Variants in SORCS3 observed in about 807,000 individuals in gnomAD.
SORCS3 encodes the protein sortilin related VPS10 domain containing receptor 3.
SORCS3 carries 57 observed loss-of-function variants against 146.3 expected under a neutral mutation model. The ratio of observed to expected loss-of-function variants is 0.39; its 90% confidence interval spans 0.31 to 0.49. The LOEUF (loss-of-function observed/expected upper bound fraction) is 0.49, where lower values mean the gene tolerates loss of function less well. SORCS3 is among the 20% of genes least tolerant of loss of function. The pLI, the probability that SORCS3 is intolerant of heterozygous loss-of-function variation, is 0.92. For missense variants in SORCS3, 1,341 were observed against 1,575.5 expected (o/e 0.85, Z 2.52); for synonymous variants, 653 against 618.5 (o/e 1.06, Z -0.83).
intron 3 of SORCS3, among the ~76,000 whole-genome samples, chr10:104,927,579 T>C (rs1331993330): frequency 1.3e-5 from 2 of 152,080 alleles, no homozygotes; most frequent in Non-Finnish European, 1.5e-5. Context: ...TTTGAAAGCC[T>C]TTAAAAAGAA....
intron 20 of SORCS3, among the ~76,000 whole-genome samples, chr10:105,224,878 A>G (rs186577087): frequency 3.3e-5 from 5 of 152,242 alleles, no homozygotes; most frequent in African/African-American, 9.6e-5. Context: ...TCCCAACTAT[A>G]TAACATCTTT....
intron 5 of SORCS3, among the ~76,000 whole-genome samples, chr10:105,060,963 A>C (rs1313753131): frequency 6.6e-6 from 1 of 152,050 alleles, no homozygotes. Context: ...AACAAACAAA[A>C]AAGTTAAAAA....
chr10:105,176,333 C>T (rs2056401349), intron 13 of SORCS3, among the ~76,000 whole-genome samples: 1 of 151,582 alleles, frequency 6.6e-6, no homozygotes, highest in Non-Finnish European at 1.5e-5. Context: ...TGCTTGCAGC[C>T]AGGAGGTTGA....
intron 4 of SORCS3, among the ~76,000 whole-genome samples, chr10:105,025,837 AACACACACAC>A (rs57597161): frequency 8.6e-4 from 116 of 135,506 alleles, no homozygotes; most frequent in East Asian, 2.5e-3. Context: ...TGTCTTCTCA[AACACACACAC>A]ACACACACAC....
At chr10:104,799,408 G>A (rs2017597640) in intron 1 of SORCS3, among the ~76,000 whole-genome samples, 1 of 152,160 alleles carries the variant, frequency 6.6e-6, no homozygotes, top group Non-Finnish European at 1.5e-5. Flanking sequence ...CATGGATGAA[G>A]CTGGAAACCA....
chr10:104,673,610 G>A (rs72813613), intron 1 of SORCS3, among the ~76,000 whole-genome samples: 13,398 of 151,912 alleles, frequency 0.088, 641 homozygotes, highest in Admixed American at 0.13. Flanking sequence ...ACCATGCCCA[G>A]CTAATTTTTA....
intron 1 of SORCS3, among the ~76,000 whole-genome samples, chr10:104,792,535 A>G (rs749824057): frequency 1.6e-4 from 24 of 152,222 alleles, no homozygotes; most frequent in Non-Finnish European, 3.4e-4. Flanking sequence ...GATTGCTCAT[A>G]GCGCTTGCAC....
At chr10:104,931,988 G>C (rs2019213047) in intron 3 of SORCS3, among the ~76,000 whole-genome samples, 1 of 152,176 alleles carries the variant, frequency 6.6e-6, no homozygotes, top group African/African-American at 2.4e-5. Flanking sequence ...CTTTGGAGAG[G>C]AGTGAGCTGA....
chr10:104,921,285 GC>G (rs1485723736), intron 3 of SORCS3, among the ~76,000 whole-genome samples: 1 of 152,180 alleles, frequency 6.6e-6, no homozygotes, highest in Admixed American at 6.5e-5. Flanking sequence ...CTAGAGAGGA[GC>G]CTGACTCCCA....
At chr10:104,688,452 C>T (rs1282956016) in intron 1 of SORCS3, among the ~76,000 whole-genome samples, 9 of 33,064 alleles carry the variant, frequency 2.7e-4, no homozygotes, top group East Asian at 1.4e-3. Context: ...TTGACTCCAG[C>T]GCCTGCCAGC....
intron 3 of SORCS3, among the ~76,000 whole-genome samples, chr10:104,937,920 A>C (rs2019276073): frequency 6.6e-6 from 1 of 152,176 alleles, no homozygotes; most frequent in Non-Finnish European, 1.5e-5. Flanking sequence ...AGCAGTGCAC[A>C]GTGGTTTGGA....
intron 20 of SORCS3, among the ~76,000 whole-genome samples, chr10:105,239,818 G>A (rs2056812823): frequency 6.6e-6 from 1 of 152,194 alleles, no homozygotes; most frequent in African/African-American, 2.4e-5. Context: ...ATTTAATTTA[G>A]CATTGGGCAC....
intron 10 of SORCS3, among the ~76,000 whole-genome samples, chr10:105,158,180 C>A (rs1330620399): frequency 6.6e-6 from 1 of 152,066 alleles, no homozygotes; most frequent in African/African-American, 2.4e-5. Context: ...TCAAACCTTG[C>A]CCATGGCTTC....
chr10:105,045,249 G>A (rs1221558103), intron 5 of SORCS3, among the ~76,000 whole-genome samples: 2 of 152,184 alleles, frequency 1.3e-5, no homozygotes, highest in South Asian at 2.1e-4. Flanking sequence ...AGAGGAGAAG[G>A]TTCTAGCTTC....
At chr10:104,787,469 T>G (rs2017451929) in intron 1 of SORCS3, among the ~76,000 whole-genome samples, 1 of 152,146 alleles carries the variant, frequency 6.6e-6, no homozygotes, top group African/African-American at 2.4e-5. Flanking sequence ...CAACTAGATA[T>G]CTCCTTTATA....
intron 1 of SORCS3, among the ~76,000 whole-genome samples, chr10:104,723,605 T>C (rs557617079): frequency 8.5e-5 from 13 of 152,328 alleles, no homozygotes; most frequent in African/African-American, 3.1e-4. Flanking sequence ...TATTATTGTG[T>C]GGGAATCTAA....
At chr10:104,649,624 C>G (rs867466769) in intron 1 of SORCS3, among the ~76,000 whole-genome samples, 27 of 152,138 alleles carry the variant, frequency 1.8e-4, no homozygotes, top group African/African-American at 5.8e-4. Context: ...GTTCATGTCC[C>G]CAGTCAATGA....
At chr10:104,896,353 C>A (rs1216082211) in intron 2 of SORCS3, among the ~76,000 whole-genome samples, 1 of 152,202 alleles carries the variant, frequency 6.6e-6, no homozygotes, top group African/African-American at 2.4e-5. Flanking sequence ...GCCATTTTAC[C>A]TGATTTCCTG....
intron 5 of SORCS3, among the ~76,000 whole-genome samples, chr10:105,050,444 G>A (rs1174500651): frequency 6.6e-6 from 1 of 152,102 alleles, no homozygotes; most frequent in Non-Finnish European, 1.5e-5. Context: ...AGGAATGGAG[G>A]GAGATCTCCA....
Sources: gnomAD v4.1 joint callset for allele counts (sites outside exome capture counted in the v4.1 genomes callset) on GRCh38, gnomAD v4.1.1 for gene constraint, MANE v1.5 for transcripts, NCBI Gene and HGNC (gene_info 2026-07-23, HGNC 2026-07-21) for gene names.